The following ZNF888 variants were observed in gnomAD, a reference collection of about 807,000 sequenced individuals.
ZNF888 encodes zinc finger protein 888.
In ZNF888, 5 loss-of-function variants were observed where a neutral mutation model predicts 7.2. That is an observed-to-expected ratio of 0.70 (90% CI 0.36 to 1.46). The LOEUF (loss-of-function observed/expected upper bound fraction) is 1.46, where lower values mean the gene tolerates loss of function less well. ZNF888 is among the 40% of genes most tolerant of loss of function. ZNF888 has a pLI of 0.03. For synonymous variants in ZNF888, 240 were observed against 284.3 expected (o/e 0.84, Z 1.57); for missense variants, 716 against 858.0 (o/e 0.83, Z 2.07).
chr19:52,917,379 C>T, intron 3 of ZNF888: 1 of 292,648 alleles, frequency 3.4e-6, no homozygotes, highest in South Asian at 4.9e-5. Context: ...AGGGTTTCTC[C>T]ATGTTGGTCA....
At chr19:52,911,378 G>A (rs372955713) in intron 4 of ZNF888, among the ~76,000 whole-genome samples, 4 of 145,184 alleles carry the variant, frequency 2.8e-5, no homozygotes, top group African/African-American at 1.0e-4. Flanking sequence ...TTGCTCTGTC[G>A]CCCAGGCTGG....
intron 1 of ZNF888, among the ~76,000 whole-genome samples, 156 bp downstream of exon 1, chr19:52,923,213 G>A (rs1413711340): frequency 2.0e-5 from 3 of 152,182 alleles, no homozygotes; most frequent in Non-Finnish European, 4.4e-5. Context: ...AACCCAAAAG[G>A]AAGTGACTTC....
At chr19:52,917,419 T>C (rs932941592) in intron 3 of ZNF888, 4 of 421,892 alleles carry the variant, frequency 9.5e-6, no homozygotes, top group African/African-American at 6.1e-5. Flanking sequence ...AAATGTAGTT[T>C]AATATCAGGC....
intron 3 of ZNF888, among the ~76,000 whole-genome samples, chr19:52,916,965 C>A (rs2064758703): frequency 6.6e-6 from 1 of 151,948 alleles, no homozygotes; most frequent in Non-Finnish European, 1.5e-5. Context: ...ATAGCTTTAT[C>A]CTCTAGAATA....
chr19:52,922,518 C>G lies in ZNF888; in HGVS notation c.-178+851G>C, dbSNP rs961639508. ...GTCCTTCATCTCTCTGTACATCCAG[C>G]TTTTCTCTACATTTCTCCAGTTGCT... On this transcript the variant is annotated intron_variant, in intron 1 of 4. Transcript: ENST00000638862. Among the ~76,000 whole-genome samples the G allele has an allele frequency of 4.6e-5, 7 of 152,266 alleles. No individual in the cohort carries two copies. The East Asian group carries it at 9.7e-4, about 21-fold the overall frequency.
At chr19:52,909,279 G>C (rs1398219501) in intron 4 of ZNF888, among the ~76,000 whole-genome samples, 1 of 147,630 alleles carries the variant, frequency 6.8e-6, no homozygotes, top group East Asian at 2.0e-4. Context: ...ATGGAGTCTC[G>C]CTCTGTCACC....
rs970126421 is a variant in ZNF888 at position 52,906,648 on chromosome 19, A to G, written c.1674T>C (p.Ser558=). ...ATGCAAGGCTTGATTTGTGATTAAA[A>G]CTTTTGCCACATTCATTACACTTGT... The part of the protein sequence containing the change: ...KRYKCNECGK[S]FNHKSSLAYH... The change falls in exon 5 of 5, where the codon AGT becomes AGC. Residue 558 remains serine (S), a synonymous_variant. Transcript: ENST00000638862. 4 of 1,613,660 alleles carry G rather than the reference A, an allele frequency of 2.5e-6. No homozygotes were observed. The highest frequency in any genetic ancestry group is 3.4e-6 in the Non-Finnish European group (4 of 1,179,750).
In ZNF888 at chr19:52,907,728, A is replaced by C; in HGVS notation, c.594T>G (p.Ser198=). 1 of 1,613,434 alleles carries C rather than the reference A, an allele frequency of 6.2e-7. No homozygotes were observed. Among genetic ancestry groups the C allele is most frequent in the South Asian group, 1.1e-5 (1 of 90,992 alleles). The change falls in exon 5 of 5, where the codon TCT becomes TCG. Residue 198 remains serine, a synonymous_variant. Transcript: ENST00000638862. ...SNNYGNNFFH[S]SLLTQKQDVH... is the part of the protein sequence containing the mutation. ...CATCCTGTTTCTGTGTGAGTAATGA[A>C]GAATGGAAGAAATTATTCCCATAGT...
chr19:52,911,936 C>T (rs1020186008), intron 4 of ZNF888, among the ~76,000 whole-genome samples: 2 of 151,808 alleles, frequency 1.3e-5, no homozygotes, highest in Admixed American at 6.6e-5. Context: ...CCTGCCTCAG[C>T]CTCCCAGGTT....
At position 52,906,199 on chromosome 19, in the gene ZNF888, T is replaced by C; in HGVS notation, c.2123A>G (p.His708Arg). 6.2e-7 allele frequency: 1 copy of C among 1,611,178 alleles called. No individual in the cohort carries two copies. Among genetic ancestry groups the C allele is most frequent in the Non-Finnish European group, 8.5e-7 (1 of 1,178,278 alleles). Residue 708 changes from histidine to arginine, a missense_variant, in exon 5 of 5, where the codon CAT becomes CGT. Coordinates refer to ENST00000638862, the MANE Select transcript of ZNF888 (RefSeq NM_001393938.1). ...TTTCCCTACACCATGGATTGCCTGA[T>C]GGTGAATAAGTGTTGACTGTGCACG... ...AFRAQSTLIH[H>R]QAIHGVGKLD
intron 4 of ZNF888, among the ~76,000 whole-genome samples, chr19:52,910,149 CAAAAAAAAAA>C (rs71335690): frequency 1.8e-4 from 15 of 83,910 alleles, no homozygotes; most frequent in South Asian, 9.3e-4. Context: ...GACTTCGTCT[CAAAAAAAAAA>C]AAAAAAAAAA....
At chr19:52,908,318 A>ATCTTCCTCCTTTT in intron 4 of ZNF888, 139 bp from the exon 5 acceptor site, 4 of 817,942 alleles carry the variant, frequency 4.9e-6, no homozygotes, top group Non-Finnish European at 7.7e-6. Flanking sequence ...ACACAAAAGG[A>ATCTTCCTCCTTTT]GGAAGATCCT....
intron 1 of ZNF888, among the ~76,000 whole-genome samples, chr19:52,919,918 T>A (rs867830326): frequency 2.1e-5 from 1 of 47,474 alleles, no homozygotes; most frequent in African/African-American, 8.0e-5. Context: ...AGCCCCTCCG[T>A]CCGGCAGCCA....
chr19:52,915,275 C>T lies in ZNF888; in HGVS notation c.63G>A (p.Glu21=), dbSNP rs557752135. ...RDVAIEFSQE[E]WKCLDPAQRT... ...TCTGAGCAGGGTCCAGGCATTTCCACTCCTCCTGAGAGAATTCTATGGCCA... is the reference window on the plus strand; with the variant it reads ...TCTGAGCAGGGTCCAGGCATTTCCATTCCTCCTGAGAGAATTCTATGGCCA... The change falls in exon 4 of 5, where the codon GAG becomes GAA. Residue 21 remains glutamate (E), a synonymous_variant. Transcript: ENST00000638862. The T allele has an allele frequency of 3.0e-5, 49 of 1,613,486 alleles. No individual in the cohort carries two copies. The South Asian group carries it at 5.3e-4, about 17-fold the overall frequency.
intron 4 of ZNF888, among the ~76,000 whole-genome samples, chr19:52,909,821 C>T (rs1331674501): frequency 6.6e-6 from 1 of 152,100 alleles, no homozygotes; most frequent in Non-Finnish European, 1.5e-5. Flanking sequence ...AAGATCACTA[C>T]CTTCTAATAT....
At chr19:52,908,377 G>A (rs1249910635) in intron 4 of ZNF888, among the ~76,000 whole-genome samples, 198 bp from the exon 5 acceptor site, 1 of 152,102 alleles carries the variant, frequency 6.6e-6, no homozygotes, top group Non-Finnish European at 1.5e-5. Flanking sequence ...TTCTATGGAA[G>A]CCTATTTCTA....
Position 52,919,600 on chromosome 19 carries a change from C to G in ZNF888, c.-177-663G>C, listed in dbSNP as rs1197203449. Among the ~76,000 whole-genome samples the G allele has an allele frequency of 8.4e-5, 6 of 71,206 alleles. 3 individuals are homozygous for G. Among genetic ancestry groups the G allele is most frequent in the Non-Finnish European group, 2.0e-4 (6 of 29,512 alleles). The allele number at this position is 71,206 out of a possible 152,430, so 46.7% of individuals were successfully genotyped here. ...GCCACCCCATCTGGGAAGTGAGGAG[C>G]GTCTCTGCCTGGCTGCCCAGTCTGG... On this transcript the variant is annotated intron_variant, in intron 1 of 4. Transcript: ENST00000638862.
At position 52,919,372 on chromosome 19, in the gene ZNF888, T is replaced by C. The variant is rs1443050794; in HGVS notation, c.-177-435A>G. 2.9e-5 allele frequency among the ~76,000 whole-genome samples: 2 copies of C among 67,824 alleles called. 1 individual carries two copies. Among genetic ancestry groups the C allele is most frequent in the Non-Finnish European group, 7.0e-5 (2 of 28,570 alleles). The allele number at this position is 67,824 out of a possible 152,430, so 44.5% of individuals were successfully genotyped here. A position where few individuals can be genotyped will look rare whatever the true frequency, so the allele number is the denominator to read the frequency against. ...TTTTGGTGGAGACGGGGTTTCGCTG[T>C]GTTGGCCGGGCTGGTCTCCAGCTCC... On this transcript the variant is annotated intron_variant, in intron 1 of 4. Coordinates refer to ENST00000638862, the MANE Select transcript of ZNF888 (RefSeq NM_001393938.1).
intron 4 of ZNF888, among the ~76,000 whole-genome samples, chr19:52,914,894 T>C (rs1264209919): frequency 6.6e-6 from 1 of 152,168 alleles, no homozygotes. Context: ...CTCCAACTCC[T>C]GATCTAAAGT....
Sources: allele counts gnomAD v4.1 joint callset (sites outside exome capture counted in the v4.1 genomes callset), GRCh38; gene constraint gnomAD v4.1.1; transcripts MANE v1.5; gene names NCBI Gene and HGNC (gene_info 2026-07-23, HGNC 2026-07-21).